PTPRJ: variants seen among roughly 807,000 people sequenced by gnomAD.
PTPRJ encodes the protein protein tyrosine phosphatase receptor type J, also known as receptor-type tyrosine-protein phosphatase eta.
A neutral mutation model predicts 141.3 loss-of-function variants in PTPRJ; 129 were observed. The observed-to-expected ratio is 0.91, with a 90% CI of 0.79 to 1.06. The LOEUF (loss-of-function observed/expected upper bound fraction) is 1.06. Ranked by LOEUF, PTPRJ falls within the 50% of genes least tolerant of loss-of-function variation. The pLI, the probability that PTPRJ is intolerant of heterozygous loss-of-function variation, is 0.00. For synonymous variants in PTPRJ, 610 were observed against 640.5 expected (o/e 0.95, Z 0.72); for missense variants, 1,601 against 1,679.7 (o/e 0.95, Z 0.82).
chr11:48,100,470 C>A (rs183015628), intron 1 of PTPRJ, among the ~76,000 whole-genome samples: 5 of 152,314 alleles, frequency 3.3e-5, no homozygotes, highest in Non-Finnish European at 5.9e-5. Flanking sequence ...CTTGTCACAA[C>A]AGTCTTATGA....
intron 14 of PTPRJ, 120 bp downstream of exon 14, chr11:48,145,244 TC>T: frequency 1.4e-6 from 2 of 1,391,432 alleles, no homozygotes; most frequent in African/African-American, 1.4e-5. Flanking sequence ...TGCCCAGCTC[TC>T]CCCTCCCAGA....
At chr11:48,089,117 C>G (rs927369141) in intron 1 of PTPRJ, among the ~76,000 whole-genome samples, 6 of 152,132 alleles carry the variant, frequency 3.9e-5, no homozygotes, top group Admixed American at 2.6e-4. Flanking sequence ...TTTATTCATA[C>G]CAACATGTTG....
chr11:48,015,904 C>G (rs932474809), intron 1 of PTPRJ: 4 of 150,364 alleles, frequency 2.7e-5, no homozygotes, highest in African/African-American at 7.4e-5. Flanking sequence ...AGATGACTTG[C>G]ATAAGATCCC....
intron 21 of PTPRJ, among the ~76,000 whole-genome samples, chr11:48,157,189 A>G (rs973321328): frequency 5.3e-5 from 8 of 151,484 alleles, no homozygotes; most frequent in African/African-American, 1.7e-4. Context: ...GGGTTTCACT[A>G]TGTTGGCCAG....
intron 1 of PTPRJ, among the ~76,000 whole-genome samples, chr11:48,006,328 TG>T (rs1854621814): frequency 7.2e-6 from 1 of 139,256 alleles, no homozygotes; most frequent in South Asian, 2.3e-4. Context: ...GCGAGAGAGG[TG>T]GAGTGGGAAA....
At chr11:48,104,422 A>G (rs1036515192) in intron 1 of PTPRJ, among the ~76,000 whole-genome samples, 8 of 152,232 alleles carry the variant, frequency 5.3e-5, no homozygotes, top group African/African-American at 1.4e-4. Flanking sequence ...ATAAACTGCT[A>G]TTTGATTTTA....
intron 18 of PTPRJ, among the ~76,000 whole-genome samples, chr11:48,151,409 C>T (rs1321607232): frequency 6.7e-6 from 1 of 150,118 alleles, no homozygotes. Flanking sequence ...ATTCAGGGCC[C>T]ACTCTAATCT....
chr11:47,990,553 A>G (rs1854163103), intron 1 of PTPRJ, among the ~76,000 whole-genome samples: 1 of 151,854 alleles, frequency 6.6e-6, no homozygotes, highest in Admixed American at 6.6e-5. Flanking sequence ...CTGGGATTAC[A>G]AGCATGCGCC....
intron 19 of PTPRJ, among the ~76,000 whole-genome samples, chr11:48,155,358 A>C (rs1050878930): frequency 3.9e-5 from 6 of 152,228 alleles, no homozygotes; most frequent in Non-Finnish European, 8.8e-5. Context: ...TGGAGAAGTC[A>C]CTTAATCTCT....
At chr11:48,157,741 T>G (rs554376021) in intron 21 of PTPRJ, among the ~76,000 whole-genome samples, 11 of 152,238 alleles carry the variant, frequency 7.2e-5, no homozygotes, top group Non-Finnish European at 1.3e-4. Flanking sequence ...GAGGGAAAGA[T>G]AACAGAGCAG....
intron 22 of PTPRJ, among the ~76,000 whole-genome samples, chr11:48,161,467 T>G (rs1056307356): frequency 1.3e-5 from 2 of 152,188 alleles, no homozygotes; most frequent in Non-Finnish European, 2.9e-5. Context: ...AATTCTTTAC[T>G]AATTGCTGTG....
At chr11:48,014,635 A>G (rs1854904141) in intron 1 of PTPRJ, 1 of 152,252 alleles carries the variant, frequency 6.6e-6, no homozygotes, top group Admixed American at 6.5e-5. Context: ...TGTATTAGGC[A>G]TGTGAGTTAT....
rs1857056363 is a variant in PTPRJ, at chr11:48,134,970, G to T, written c.1616-1069G>T. ...GGTATGTAAGGCTGTGTCACGGGAA[G>T]ATGTTTCCTTCTGAGTGACTGATTT... On this transcript the variant is annotated intron_variant, in intron 8 of 24. Coordinates refer to ENST00000418331, the MANE Select transcript of PTPRJ (RefSeq NM_002843.4). Among the ~76,000 whole-genome samples, 4 of 152,150 alleles carry T rather than the reference G, an allele frequency of 2.6e-5. No homozygotes were observed. The South Asian group carries it at 6.2e-4, about 24-fold the overall frequency.
chr11:48,130,823 A>G lies in PTPRJ; in HGVS notation c.1615+107A>G, dbSNP rs549611157. On this transcript the variant is annotated intron_variant, in intron 8 of 24. Transcript: ENST00000418331. ...ATTGTTTTTCTTTTAATTATCTAAG[A>G]AAAAACTTTAAAAATTTTCATAACA... The G allele has an allele frequency of 1.3e-5, 16 of 1,231,272 alleles. No individual in the cohort carries two copies. In the African/African-American group the frequency reaches 2.2e-4, roughly 17 times the overall value. 76.3% of individuals were successfully genotyped at this position (1,231,272 alleles called of 1,614,324 possible).
At chr11:48,121,408 A>T in intron 4 of PTPRJ, 142 bp downstream of exon 4, 1 of 946,488 alleles carries the variant, frequency 1.1e-6, no homozygotes, top group Non-Finnish European at 1.5e-6. Flanking sequence ...TGTTGTTTCA[A>T]GCCTGGGATT....
chr11:48,125,188 TA>T lies in PTPRJ; in HGVS notation c.1093+3del, dbSNP rs1856806324. On this transcript the variant is annotated splice_donor_region_variant and intron_variant, in intron 6 of 24. Transcript: ENST00000418331. The stretch of plus-strand genomic sequence containing the variant: ...CCCAGGCCATAGAGTTCAGGACAAG[TA>T]GGTTGAACTTTGTAAAATGGTGGCA... The T allele has an allele frequency of 6.8e-6, 11 of 1,613,028 alleles. No homozygotes were observed. The highest frequency in any genetic ancestry group is 8.5e-6 in the Non-Finnish European group (10 of 1,179,204).
intron 1 of PTPRJ, among the ~76,000 whole-genome samples, chr11:48,006,934 T>G (rs1027795291): frequency 3.3e-5 from 5 of 152,156 alleles, no homozygotes; most frequent in African/African-American, 9.7e-5. Context: ...AATGAATACC[T>G]TTGTCTTAAT....
At position 48,139,570 on chromosome 11, in the gene PTPRJ, C is replaced by A. The variant is rs1401050500; in HGVS notation, c.2237C>A (p.Ala746Asp). 3 of 1,614,130 alleles carry A rather than the reference C, an allele frequency of 1.9e-6. No individual in the cohort carries two copies. Among genetic ancestry groups the A allele is most frequent in the Non-Finnish European group, 8.5e-7 (1 of 1,180,052 alleles). ...CTCAAATGGACCTGCCCTCCTGGCGCCAATGCAGGCTTTGAGCTGGAGGTC... is the reference window on the plus strand; with the variant it reads ...CTCAAATGGACCTGCCCTCCTGGCGACAATGCAGGCTTTGAGCTGGAGGTC... ...LVLKWTCPPG[A>D]NAGFELEVSS... is the part of the protein sequence containing the mutation. Residue 746 changes from alanine (A) to aspartate (D), a missense_variant, in exon 11 of 25, where the codon GCC (alanine) becomes GAC (aspartate). Physicochemically the swap from Ala to Asp is moderately radical, Grantham distance 126. Coordinates refer to ENST00000418331, the MANE Select transcript of PTPRJ (RefSeq NM_002843.4).
In PTPRJ at chr11:48,144,905, A is replaced by G; in HGVS notation, c.2786+20A>G. 1.2e-6 allele frequency: 2 copies of G among 1,613,606 alleles called. No homozygotes were observed. Among genetic ancestry groups the G allele is most frequent in the Non-Finnish European group, 1.7e-6 (2 of 1,179,804 alleles). On this transcript the variant is annotated intron_variant, in intron 13 of 24. Transcript: ENST00000418331. ...CTACCGGTAATGTCTTCTGGTTCTTACTCTTTGGGGGCTGAGCCTCATGAG... is the reference window on the plus strand; with the variant it reads ...CTACCGGTAATGTCTTCTGGTTCTTGCTCTTTGGGGGCTGAGCCTCATGAG...
Sources: allele counts gnomAD v4.1 joint callset (sites outside exome capture counted in the v4.1 genomes callset), GRCh38; gene constraint gnomAD v4.1.1; transcripts MANE v1.5; gene names NCBI Gene and HGNC (gene_info 2026-07-23, HGNC 2026-07-21).